The following COG5 variants were observed in gnomAD, a reference collection of about 807,000 sequenced individuals.
The protein encoded by COG5 is component of oligomeric golgi complex 5, also known as conserved oligomeric Golgi complex subunit 5.
In COG5, 86 loss-of-function variants were observed where a neutral mutation model predicts 110.4. The observed-to-expected ratio is 0.78, with a 90% confidence interval of 0.65 to 0.93. The LOEUF is 0.93. COG5 is among the 40% of genes least tolerant of loss of function. COG5 has a pLI of 0.00. For missense variants in COG5, 1,077 were observed against 987.0 expected (o/e 1.09, Z -1.22); for synonymous variants, 360 against 334.6 (o/e 1.08, Z -0.83).
Position 107,558,008 on chromosome 7 carries a change from T to C in COG5, c.202A>G (p.Ile68Val). ...TGTAGTTCTCTGTCCAACTGACTGA[T>C]TCCTTGGGCAAGTTTTGCTAGTTGT... is the stretch of plus-strand genomic sequence containing the variant. ...AEQLAKLAQG[I>V]SQLDRELHLQ... is the part of the protein sequence containing the mutation. Residue 68 changes from isoleucine (I) to valine (V), a missense_variant, in exon 2 of 22, where the codon ATC becomes GTC. By Grantham distance (29) the Ile-to-Val change is conservative. Coordinates refer to ENST00000297135, the MANE Select transcript of COG5 (RefSeq NM_006348.5). 6.2e-7 allele frequency: 1 copy of C among 1,613,720 alleles called. No homozygotes were observed. Among genetic ancestry groups the C allele is most frequent in the Non-Finnish European group, 8.5e-7 (1 of 1,179,882 alleles).
intron 17 of COG5, among the ~76,000 whole-genome samples, chr7:107,237,172 C>T (rs938902352): frequency 3.9e-5 from 6 of 152,188 alleles, no homozygotes; most frequent in Non-Finnish European, 8.8e-5. Context: ...GCTATTTAAT[C>T]AGATCAGTCC....
At position 107,283,752 on chromosome 7, in the gene COG5, T is replaced by A. The variant is rs1360982597; in HGVS notation, c.1314-20A>T. The A allele has an allele frequency of 4.4e-6, 7 of 1,602,388 alleles. No individual in the cohort carries two copies. The highest frequency in any genetic ancestry group is 3.3e-5 in the Admixed American group (2 of 59,994). ...TCTGGACTGTGGAAACAAAATTTTT[T>A]AAAAACTAACTTAAATTGCACAGAG... is the stretch of plus-strand genomic sequence containing the variant. On this transcript the variant is annotated intron_variant, in intron 12 of 21. Coordinates refer to ENST00000297135, the MANE Select transcript of COG5 (RefSeq NM_006348.5).
intron 6 of COG5, among the ~76,000 whole-genome samples, chr7:107,485,231 A>G (rs991369055): frequency 6.6e-6 from 1 of 152,228 alleles, no homozygotes; most frequent in African/African-American, 2.4e-5. Flanking sequence ...TGCTGTTACC[A>G]AATTCTGAAA....
intron 14 of COG5, among the ~76,000 whole-genome samples, chr7:107,277,865 G>A (rs1036933280): frequency 1.3e-5 from 2 of 151,724 alleles, no homozygotes; most frequent in Non-Finnish European, 2.9e-5. Flanking sequence ...AAGCCTTAGG[G>A]AAAAAAATAC....
chr7:107,372,823 A>G lies in COG5; in HGVS notation c.670-63T>C, dbSNP rs1404014185. ...ATAGGAAAACAAACAAAATCAACATAAATATACAACTTTAAGCAGGACTTC... is the reference window on the plus strand; with the variant it reads ...ATAGGAAAACAAACAAAATCAACATGAATATACAACTTTAAGCAGGACTTC... On this transcript the variant is annotated intron_variant, in intron 7 of 21. Coordinates refer to ENST00000297135, the MANE Select transcript of COG5 (RefSeq NM_006348.5). 3 of 1,519,182 alleles carry G rather than the reference A, an allele frequency of 2.0e-6. No homozygotes were observed. In the East Asian group the frequency reaches 6.9e-5, roughly 35 times the overall value. 94.1% of individuals were successfully genotyped at this position (1,519,182 alleles called of 1,614,324 possible).
chr7:107,521,814 T>C (rs2129152306), intron 6 of COG5, among the ~76,000 whole-genome samples: 1 of 152,344 alleles, frequency 6.6e-6, no homozygotes, highest in Admixed American at 6.5e-5. Context: ...ATCATTCTAC[T>C]GTAAAGACAC....
intron 5 of COG5, among the ~76,000 whole-genome samples, chr7:107,539,952 G>A (rs571926982): frequency 6.6e-6 from 1 of 152,262 alleles, no homozygotes; most frequent in Non-Finnish European, 1.5e-5. Flanking sequence ...TTACCACTGG[G>A]AGACAATTTT....
intron 3 of COG5, among the ~76,000 whole-genome samples, chr7:107,553,766 G>A (rs1160148745): frequency 6.6e-6 from 1 of 152,050 alleles, no homozygotes. Context: ...AAGGCTCCAA[G>A]AAAGGCAAAA....
chr7:107,559,041 T>G (rs1803568431), intron 1 of COG5, among the ~76,000 whole-genome samples: 1 of 151,684 alleles, frequency 6.6e-6, no homozygotes, highest in South Asian at 2.1e-4. Flanking sequence ...TATGTAATAT[T>G]TATGGCCTCA....
chr7:107,413,139 C>T (rs1404775325), intron 6 of COG5, among the ~76,000 whole-genome samples: 1 of 151,974 alleles, frequency 6.6e-6, no homozygotes, highest in Non-Finnish European at 1.5e-5. Flanking sequence ...ACCTCAGCCT[C>T]CCAAGTAGCT....
intron 6 of COG5, among the ~76,000 whole-genome samples, chr7:107,486,198 A>G (rs142463385): frequency 1.7e-3 from 255 of 152,316 alleles, no homozygotes; most frequent in African/African-American, 5.8e-3. Flanking sequence ...ATGGAAGTGT[A>G]TGGTGAAAAA....
At chr7:107,241,867 A>C (rs1193012598) in intron 17 of COG5, among the ~76,000 whole-genome samples, 1 of 152,094 alleles carries the variant, frequency 6.6e-6, no homozygotes, top group African/African-American at 2.4e-5. Flanking sequence ...TGCAGCCTCA[A>C]TTCCTTCAGG....
At chr7:107,473,057 T>C (rs1796734175) in intron 6 of COG5, 1 of 151,662 alleles carries the variant, frequency 6.6e-6, no homozygotes, top group Non-Finnish European at 1.5e-5. Context: ...AGACAATGGG[T>C]GATATATACA....
intron 19 of COG5, among the ~76,000 whole-genome samples, chr7:107,214,967 G>A (rs1049560693): frequency 1.3e-5 from 2 of 151,374 alleles, no homozygotes; most frequent in African/African-American, 4.9e-5. Flanking sequence ...GCCCAAATTA[G>A]GGATACAAAT....
intron 19 of COG5, among the ~76,000 whole-genome samples, chr7:107,219,403 A>C (rs796759617): frequency 5.9e-5 from 9 of 152,324 alleles, no homozygotes; most frequent in African/African-American, 2.2e-4. Flanking sequence ...ATGCAGCATT[A>C]TTTACGATAG....
At chr7:107,556,684 G>C (rs1803348460) in intron 2 of COG5, among the ~76,000 whole-genome samples, 1 of 152,120 alleles carries the variant, frequency 6.6e-6, no homozygotes, top group South Asian at 2.1e-4. Context: ...ACTGGTCTGT[G>C]GGTCCTTGGA....
intron 7 of COG5, among the ~76,000 whole-genome samples, chr7:107,412,153 A>T (rs1413110141): frequency 6.6e-6 from 1 of 152,124 alleles, no homozygotes; most frequent in African/African-American, 2.4e-5. Context: ...TATAATTAAC[A>T]ATAATACCAA....
At chr7:107,229,447 CA>C (rs1454351624) in intron 19 of COG5, among the ~76,000 whole-genome samples, 1 of 152,000 alleles carries the variant, frequency 6.6e-6, no homozygotes, top group African/African-American at 2.4e-5. Context: ...GACTCCATCT[CA>C]AAAAACAAAA....
At chr7:107,217,238 T>A (rs551018451) in intron 19 of COG5, among the ~76,000 whole-genome samples, 1 of 152,178 alleles carries the variant, frequency 6.6e-6, no homozygotes, top group South Asian at 2.1e-4. Flanking sequence ...GTAAAGAGAT[T>A]GGATCCATAA....
Sources: allele counts gnomAD v4.1 joint callset (sites outside exome capture counted in the v4.1 genomes callset), GRCh38; gene constraint gnomAD v4.1.1; transcripts MANE v1.5; gene names NCBI Gene and HGNC (gene_info 2026-07-23, HGNC 2026-07-21).